OTOF: variants seen among roughly 807,000 people sequenced by gnomAD.
The protein encoded by OTOF is otoferlin, also known as fer-1-like family member 2.
OTOF carries 218 observed loss-of-function variants against 236.8 expected under a neutral mutation model. That is an observed-to-expected ratio of 0.92 (90% confidence interval 0.82 to 1.03). The LOEUF is 1.03. Among genes scored for constraint, OTOF ranks in the 50% least tolerant of loss-of-function variants. The pLI is 0.00. For synonymous variants in OTOF, 1,041 were observed against 1,072.5 expected, an observed-to-expected ratio of 0.97 and a Z score of 0.57; for missense variants, 2,590 against 2,694.4, an observed-to-expected ratio of 0.96 and a Z score of 0.86.
Position 26,460,998 on chromosome 2 carries a change from G to A in OTOF, c.5566C>T (p.Arg1856Trp), listed in dbSNP as rs368155547. 2.2e-5 allele frequency: 36 copies of A among 1,613,370 alleles called. No homozygotes were observed. Among genetic ancestry groups the A allele is most frequent in the East Asian group, 8.9e-5 (4 of 44,858 alleles). Residue 1856 changes from arginine to tryptophan, a missense_variant, in exon 44 of 47, where the codon CGG (arginine) becomes TGG (tryptophan). This residue lies in a region of OTOF where 1,211 missense variants were observed against 1,352.8 expected (regional missense o/e 0.90). Transcript: ENST00000272371. This position sits in a 1 kb window ranked among gnomAD's most constrained non-coding sequence, Gnocchi z 5.3. ...AIELDLNRFP[R>W]GAKTAKQCTM... ...CACTGCTTGGCTGTCTTTGCGCCCCGCGGGAACCGGTTCAGGTCCAGCTCG... is the reference window on the plus strand; with the variant it reads ...CACTGCTTGGCTGTCTTTGCGCCCCACGGGAACCGGTTCAGGTCCAGCTCG...
intron 41 of OTOF, among the ~76,000 whole-genome samples, 196 bp downstream of exon 41, chr2:26,463,287 C>T (rs1265278340): frequency 6.6e-6 from 1 of 152,216 alleles, no homozygotes; most frequent in Non-Finnish European, 1.5e-5. Flanking sequence ...TGGGGACTCT[C>T]CAGGGCAGGC....
In OTOF at chr2:26,462,636, G is replaced by A. The variant is rs188140763; in HGVS notation, c.5193-455C>T. 3.3e-5 allele frequency among the ~76,000 whole-genome samples: 5 copies of A among 152,340 alleles called. No individual in the cohort carries two copies. Among genetic ancestry groups the A allele is most frequent in the Admixed American group, 2.0e-4 (3 of 15,314 alleles). ...ATGGCTCTCCTGGGATTGCAGACAG[G>A]GCTGCGAGCCCAGAGTGGCCCAGTG... On this transcript the variant is annotated intron_variant, in intron 41 of 46. Transcript: ENST00000272371. This position sits in a 1 kb window ranked among gnomAD's most constrained non-coding sequence, Gnocchi z 4.7.
At position 26,479,656 on chromosome 2, in the gene OTOF, G is replaced by A; in HGVS notation, c.1913-3C>T. 6.2e-7 allele frequency: 1 copy of A among 1,612,272 alleles called. No individual in the cohort carries two copies. Among genetic ancestry groups the A allele is most frequent in the Non-Finnish European group, 8.5e-7 (1 of 1,179,508 alleles). On this transcript the variant is annotated splice_region_variant and splice_polypyrimidine_tract_variant and intron_variant, in intron 16 of 46. Transcript: ENST00000272371. Reference sequence around the variant, plus strand: ...ATCAACTTCGTTCCCATAGTTGCCTGGAGCAGAATGGGCCCAGAAGGCCTA... The same window carrying A: ...ATCAACTTCGTTCCCATAGTTGCCTAGAGCAGAATGGGCCCAGAAGGCCTA...
chr2:26,523,764 G>A (rs577959220), intron 3 of OTOF, among the ~76,000 whole-genome samples: 8 of 152,312 alleles, frequency 5.3e-5, no homozygotes, highest in Admixed American at 5.2e-4. Flanking sequence ...TTTGCTCATT[G>A]CTAAGCCTAG....
chr2:26,465,165 C>G, intron 38 of OTOF, 136 bp from the exon 39 acceptor site: 1 of 735,466 alleles, frequency 1.4e-6, no homozygotes, highest in East Asian at 2.8e-5. Context: ...CTGCCCTGGG[C>G]CCCAGGCTCA....
chr2:26,476,421 C>G, intron 22 of OTOF, 104 bp from the exon 23 acceptor site: 4 of 1,087,150 alleles, frequency 3.7e-6, no homozygotes, highest in Non-Finnish European at 5.4e-6. Context: ...CTGCCCTGCC[C>G]CTTCACAGCC....
Position 26,527,926 on chromosome 2 carries a change from G to T in OTOF, c.139-6C>A. 6.2e-7 allele frequency: 1 copy of T among 1,611,940 alleles called. No individual in the cohort carries two copies. The highest frequency in any genetic ancestry group is 8.5e-7 in the Non-Finnish European group (1 of 1,178,020). ...GCCACCGGCCACCGAAATGTCTGGG[G>T]AGAGAGGGACAACTGCGGCTTCGGT... On this transcript the variant is annotated splice_region_variant and splice_polypyrimidine_tract_variant and intron_variant, in intron 2 of 46. Transcript: ENST00000272371.
rs543086950 is a variant in OTOF, at chr2:26,462,800, A to G, written c.5193-619T>C. 2.5e-4 allele frequency among the ~76,000 whole-genome samples: 38 copies of G among 152,300 alleles called. No homozygotes were observed. Among genetic ancestry groups the G allele is most frequent in the African/African-American group, 8.9e-4 (37 of 41,552 alleles). On this transcript the variant is annotated intron_variant, in intron 41 of 46. Transcript: ENST00000272371. The surrounding 1 kb of genome is among the most constrained non-coding windows in gnomAD (Gnocchi z 4.7). The stretch of plus-strand genomic sequence containing the variant: ...AATGCAGGGTCACTTGTCATAAAGA[A>G]TTTCAAGATGGCAACATAGGAGCAT...
At chr2:26,557,725 C>T (rs1453608348) in intron 1 of OTOF, among the ~76,000 whole-genome samples, 1 of 151,776 alleles carries the variant, frequency 6.6e-6, no homozygotes, top group Non-Finnish European at 1.5e-5. Flanking sequence ...CCTTCCCTGA[C>T]CACCGGTCAC....
At position 26,460,467 on chromosome 2, in the gene OTOF, G is replaced by GC. The variant is rs1664407899; in HGVS notation, c.5813+179dup. Among the ~76,000 whole-genome samples, 1 of 152,328 alleles carries GC rather than the reference G, an allele frequency of 6.6e-6. No individual in the cohort carries two copies. The highest frequency in any genetic ancestry group is 2.4e-5 in the African/African-American group (1 of 41,572). ...AAGGTCCTGCTCTCCAGTATTCCTA[G>GC]CCCATCCTCTGGTTCAAAGGGACGT... On this transcript the variant is annotated intron_variant, in intron 45 of 46. Coordinates refer to ENST00000272371, the MANE Select transcript of OTOF (RefSeq NM_194248.3). The surrounding 1 kb of genome is among the most constrained non-coding windows in gnomAD (Gnocchi z 5.3).
At chr2:26,534,783 C>G (rs1667029626) in intron 2 of OTOF, among the ~76,000 whole-genome samples, 1 of 151,968 alleles carries the variant, frequency 6.6e-6, no homozygotes, top group African/African-American at 2.4e-5. Context: ...TCTCATGACT[C>G]CCAGGCCAGT....
At chr2:26,540,978 C>T (rs1190430531) in intron 1 of OTOF, among the ~76,000 whole-genome samples, 1 of 152,210 alleles carries the variant, frequency 6.6e-6, no homozygotes, top group Non-Finnish European at 1.5e-5. Context: ...TTAATTTTCC[C>T]CGCAGGTAAC....
chr2:26,521,383 CA>C (rs1156396384), intron 3 of OTOF, among the ~76,000 whole-genome samples: 1 of 152,176 alleles, frequency 6.6e-6, no homozygotes, highest in Non-Finnish European at 1.5e-5. Flanking sequence ...AAGACACTCC[CA>C]GGGGGCAGGG....
At chr2:26,558,383 G>C in intron 1 of OTOF, 110 bp downstream of exon 1, 3 of 964,454 alleles carry the variant, frequency 3.1e-6, no homozygotes, top group Non-Finnish European at 5.1e-6. Context: ...GCCCCTGCTA[G>C]AACTTTTCCC....
chr2:26,482,525 A>T lies in OTOF; in HGVS notation c.1460T>A (p.Leu487His). The T allele has an allele frequency of 6.2e-7, 1 of 1,613,404 alleles. No individual in the cohort carries two copies. Among genetic ancestry groups the T allele is most frequent in the Admixed American group, 1.7e-5 (1 of 60,030 alleles). ...CATGCGTTTGCAGAGTGGGGGGAAG[A>T]GGTCTGTAAAGACGACCTGCTCATT... ...LWNEQVVFTD[L>H]FPPLCKRMKV... is the part of the protein sequence containing the mutation. Residue 487 changes from leucine to histidine, a missense_variant, in exon 14 of 47, where the codon CTC becomes CAC. Leu to His is a moderately conservative substitution (Grantham distance 99, BLOSUM62 -3). This residue lies in a region of OTOF where 1,379 missense variants were observed against 1,341.6 expected (regional missense o/e 1.03). Coordinates refer to ENST00000272371, the MANE Select transcript of OTOF (RefSeq NM_194248.3).
At chr2:26,499,774 C>A (rs989549107) in intron 8 of OTOF, among the ~76,000 whole-genome samples, 1 of 152,168 alleles carries the variant, frequency 6.6e-6, no homozygotes, top group African/African-American at 2.4e-5. Flanking sequence ...GGATTACAGG[C>A]ATGAGTCACT....
intron 1 of OTOF, among the ~76,000 whole-genome samples, chr2:26,557,436 C>T (rs2148142672): frequency 6.6e-6 from 1 of 152,308 alleles, no homozygotes; most frequent in Non-Finnish European, 1.5e-5. Flanking sequence ...AGGACAGAGT[C>T]AGCCTGGCCC....
At chr2:26,540,705 G>C (rs1411177044) in intron 1 of OTOF, among the ~76,000 whole-genome samples, 1 of 151,964 alleles carries the variant, frequency 6.6e-6, no homozygotes, top group African/African-American at 2.4e-5. Context: ...TGTGGATGCA[G>C]TCTGAAAGGG....
rs769450885 is a variant in OTOF at position 26,460,955 on chromosome 2, G to A, written c.5609C>T (p.Thr1870Ile). 34 of 1,614,048 alleles carry A rather than the reference G, an allele frequency of 2.1e-5. 1 individual carries two copies. The South Asian group carries it at 3.4e-4, about 16-fold the overall frequency. Residue 1870 changes from threonine (T) to isoleucine (I), a missense_variant, in exon 44 of 47, where the codon ACC becomes ATC. By Grantham distance (89) the Thr-to-Ile change is moderately conservative. Transcript: ENST00000272371. This position sits in a 1 kb window ranked among gnomAD's most constrained non-coding sequence, Gnocchi z 5.3. Reference protein sequence around the residue: ...TAKQCTMEMATGEVDVPLVSI... With the variant: ...TAKQCTMEMAIGEVDVPLVSI... ...CACGAGGGGCACGTCCACCTCCCCG[G>A]TGGCCATCTCCATGGTGCACTGCTT...
Sources: gnomAD v4.1 joint callset for allele counts (sites outside exome capture counted in the v4.1 genomes callset) on GRCh38, gnomAD v4.1.1 for gene constraint, gnomAD v4.1.1 regional missense constraint, Gnocchi (gnomAD v3.1) non-coding constraint, MANE v1.5 for transcripts, NCBI Gene and HGNC (gene_info 2026-07-23, HGNC 2026-07-21) for gene names.